The following TENM4 variants were observed in gnomAD, a reference collection of about 807,000 sequenced individuals.
TENM4 encodes the protein teneurin transmembrane protein 4.
In TENM4, 82 loss-of-function variants were observed where a neutral mutation model predicts 243.3. That is an observed-to-expected ratio of 0.34 (90% CI 0.28 to 0.40). The LOEUF is 0.40. Ranked by LOEUF, TENM4 falls within the 10% of genes least tolerant of loss-of-function variation. The probability of loss-of-function intolerance (pLI) is 1.00; values close to 1 mark genes in which losing one functional copy is unlikely to be tolerated. For synonymous variants in TENM4, 1,412 were observed against 1,456.3 expected, an observed-to-expected ratio of 0.97 and a Z score of 0.69; for missense variants, 3,138 against 3,673.3, an observed-to-expected ratio of 0.85 and a Z score of 3.77.
At chr11:78,873,911 G>A (rs1270217892) in intron 9 of TENM4, among the ~76,000 whole-genome samples, 2 of 151,716 alleles carry the variant, frequency 1.3e-5, no homozygotes, top group African/African-American at 2.4e-5. Flanking sequence ...CTGCTTGAAC[G>A]GTCACCACCT....
intron 6 of TENM4, among the ~76,000 whole-genome samples, chr11:79,020,162 G>T (rs1264798306): frequency 6.6e-6 from 1 of 152,196 alleles, no homozygotes; most frequent in African/African-American, 2.4e-5. Context: ...TGGCACAGAT[G>T]ATGTTAGTGT....
intron 1 of TENM4, among the ~76,000 whole-genome samples, chr11:79,311,646 C>A (rs761488432): frequency 2.6e-5 from 4 of 152,164 alleles, no homozygotes; most frequent in Non-Finnish European, 5.9e-5. Flanking sequence ...TAAAGCCCAG[C>A]CCTTGAGCTT....
chr11:79,143,215 A>G lies in TENM4; in HGVS notation c.-66+5495T>C, dbSNP rs544852245. Among the ~76,000 whole-genome samples, 7 of 152,286 alleles carry G rather than the reference A, an allele frequency of 4.6e-5. No homozygotes were observed. The East Asian group carries it at 1.4e-3, about 29-fold the overall frequency. ...GATTATAAATCATGCTACTATAAAG[A>G]CACATGCACACGTATGTTTATTGTG... On this transcript the variant is annotated intron_variant, in intron 4 of 33. Transcript: ENST00000278550.
At chr11:79,311,984 CA>C (rs1856729659) in intron 1 of TENM4, among the ~76,000 whole-genome samples, 1 of 152,152 alleles carries the variant, frequency 6.6e-6, no homozygotes, top group African/African-American at 2.4e-5. Context: ...TCAAGGCCTC[CA>C]CATACTCACA....
In TENM4 at chr11:79,155,704, C is replaced by T. The variant is rs1273233585; in HGVS notation, c.-162-6898G>A. ...CCTCCCTCTCCCCCTCCCCTCCTTT[C>T]CTCCTTTCCTCCCTCCCTCCCTCCG... On this transcript the variant is annotated intron_variant, in intron 3 of 33. Coordinates refer to ENST00000278550, the MANE Select transcript of TENM4 (RefSeq NM_001098816.3). 7.3e-5 allele frequency among the ~76,000 whole-genome samples: 9 copies of T among 123,246 alleles called. No individual in the cohort carries two copies. The Admixed American group carries it at 8.7e-4, about 12-fold the overall frequency. The allele number at this position is 123,246 out of a possible 152,430, so 80.9% of individuals were successfully genotyped here.
intron 9 of TENM4, among the ~76,000 whole-genome samples, chr11:78,863,430 G>T (rs1425862879): frequency 6.6e-6 from 1 of 152,104 alleles, no homozygotes; most frequent in Non-Finnish European, 1.5e-5. Flanking sequence ...ACAATCTGGG[G>T]GAAAAACTGC....
chr11:79,099,722 A>G (rs1334449129), intron 4 of TENM4, among the ~76,000 whole-genome samples: 1 of 152,158 alleles, frequency 6.6e-6, no homozygotes, highest in African/African-American at 2.4e-5. Flanking sequence ...ACCTTTTTGT[A>G]ATCCTCACCA....
chr11:78,655,852 A>G lies in TENM4; in HGVS notation c.*2206T>C, dbSNP rs1363647866. On this transcript the variant is annotated 3_prime_UTR_variant, in exon 34 of 34. Coordinates refer to ENST00000278550, the MANE Select transcript of TENM4 (RefSeq NM_001098816.3). The stretch of plus-strand genomic sequence containing the variant: ...TGTTCTTCAGGCCAAACTGTTTTCC[A>G]TCTCATCCAAGAATGATCCTGCCAG... 1 of 152,204 alleles carries G rather than the reference A, an allele frequency of 6.6e-6. No individual in the cohort carries two copies. The highest frequency in any genetic ancestry group is 2.4e-5 in the African/African-American group (1 of 41,430). 9.4% of individuals were successfully genotyped at this position (152,204 alleles called of 1,614,324 possible). A position where few individuals can be genotyped will look rare whatever the true frequency, so the allele number is the denominator to read the frequency against.
At position 79,004,710 on chromosome 11, in the gene TENM4, C is replaced by T. The variant is rs374721569; in HGVS notation, c.493+60028G>A. On this transcript the variant is annotated intron_variant, in intron 6 of 33. Coordinates refer to ENST00000278550, the MANE Select transcript of TENM4 (RefSeq NM_001098816.3). ...CACTAACTAGAGAAACAAGAGCAAA[C>T]CAACTCCAAAGCTAGTAGAAGACAA... 9.8e-4 allele frequency among the ~76,000 whole-genome samples: 149 copies of T among 152,026 alleles called. 1 individual carries two copies. Among genetic ancestry groups the T allele is most frequent in the African/African-American group, 3.1e-3 (129 of 41,478 alleles).
intron 1 of TENM4, among the ~76,000 whole-genome samples, chr11:79,348,963 C>T (rs1857372374): frequency 6.6e-6 from 1 of 152,180 alleles, no homozygotes; most frequent in South Asian, 2.1e-4. Flanking sequence ...AAGTGCCTAA[C>T]TGGAAATGCC....
At chr11:78,984,349 C>G (rs1202235611) in intron 6 of TENM4, among the ~76,000 whole-genome samples, 1 of 152,172 alleles carries the variant, frequency 6.6e-6, no homozygotes, top group Non-Finnish European at 1.5e-5. Context: ...GGGCTAGATA[C>G]CCTCGAGAGT....
At chr11:79,379,649 T>C (rs1209713485) in intron 1 of TENM4, among the ~76,000 whole-genome samples, 1 of 152,180 alleles carries the variant, frequency 6.6e-6, no homozygotes, top group Non-Finnish European at 1.5e-5. Flanking sequence ...GCTCATGTTA[T>C]CTCCAGGTGA....
chr11:78,956,093 A>G (rs1207731546), intron 6 of TENM4, among the ~76,000 whole-genome samples: 1 of 152,130 alleles, frequency 6.6e-6, no homozygotes. Flanking sequence ...ATTGCTGTGC[A>G]TGTGTGTGGA....
Position 78,722,836 on chromosome 11 carries a change from C to A in TENM4, c.3632G>T (p.Arg1211Leu). 2.5e-6 allele frequency: 4 copies of A among 1,614,028 alleles called. No individual in the cohort carries two copies. Among genetic ancestry groups the A allele is most frequent in the Non-Finnish European group, 3.4e-6 (4 of 1,179,892 alleles). Residue 1211 changes from arginine to leucine, a missense_variant, in exon 24 of 34, where the codon CGC (arginine) becomes CTC (leucine). Arg to Leu is a moderately radical substitution (Grantham distance 102). Coordinates refer to ENST00000278550, the MANE Select transcript of TENM4 (RefSeq NM_001098816.3). The stretch of plus-strand genomic sequence containing the variant: ...GCTGGGGCAGGAGATGCTTCTCCGG[C>A]GCCCATTGCCCATGATGCTCCCAAT... ...PVIGSIMGNG[R>L]RRSISCPSCN...
Position 78,903,353 on chromosome 11 carries a change from C to G in TENM4, c.664G>C (p.Gly222Arg). The change falls in exon 7 of 34, where the codon GGA (glycine) becomes CGA (arginine). Residue 222 changes from glycine to arginine, a missense_variant. Gly to Arg is a moderately radical substitution (Grantham distance 125, BLOSUM62 -2). This residue lies in a region of TENM4 where 671 missense variants were observed against 614.1 expected (regional missense o/e 1.09). Coordinates refer to ENST00000278550, the MANE Select transcript of TENM4 (RefSeq NM_001098816.3). ...SPAPTDHSLS[G>R]EPPAGGAQEP... is the part of the protein sequence containing the mutation. ...TGGGCGCCGCCGGCAGGGGGCTCTC[C>G]GGAGAGCGAGTGGTCCGTGGGGGCC... 6.7e-7 allele frequency: 1 copy of G among 1,489,114 alleles called. No individual in the cohort carries two copies. The highest frequency in any genetic ancestry group is 8.9e-7 in the Non-Finnish European group (1 of 1,120,268). The allele number at this position is 1,489,114 out of a possible 1,614,324, so 92.2% of individuals were successfully genotyped here. A position where few individuals can be genotyped will look rare whatever the true frequency, so the allele number is the denominator to read the frequency against.
In TENM4 at chr11:78,859,967, G is replaced by A. The variant is rs116501459; in HGVS notation, c.1255+2995C>T. Reference sequence around the variant, plus strand: ...TTAGTTCGAAAAGCTGCTGTATTTGGTTTCTGTCCCATCACAACCCTGGAA... The same window carrying A: ...TTAGTTCGAAAAGCTGCTGTATTTGATTTCTGTCCCATCACAACCCTGGAA... On this transcript the variant is annotated intron_variant, in intron 10 of 33. Transcript: ENST00000278550. 7.8e-3 allele frequency among the ~76,000 whole-genome samples: 1,181 copies of A among 152,218 alleles called. 11 individuals are homozygous for A. Among genetic ancestry groups the A allele is most frequent in the African/African-American group, 0.027 (1,134 of 41,510 alleles).
At position 79,067,143 on chromosome 11, in the gene TENM4, C is replaced by T. The variant is rs549117982; in HGVS notation, c.224-2136G>A. On this transcript the variant is annotated intron_variant, in intron 5 of 33. Transcript: ENST00000278550. ...GTCCGCGGACCAGGCATAAAAGAAG[C>T]CCGTGGGCTCTGCTCAGTGGCCAGG... Among the ~76,000 whole-genome samples the T allele has an allele frequency of 2.2e-4, 33 of 152,318 alleles. No individual in the cohort carries two copies. The South Asian group carries it at 6.4e-3, about 30-fold the overall frequency.
chr11:78,980,808 G>A (rs1180935546), intron 6 of TENM4, among the ~76,000 whole-genome samples: 1 of 152,186 alleles, frequency 6.6e-6, no homozygotes. Context: ...CTACTGAAGT[G>A]TTTGCTGTCA....
At chr11:78,955,871 G>T (rs989708510) in intron 6 of TENM4, among the ~76,000 whole-genome samples, 2 of 152,178 alleles carry the variant, frequency 1.3e-5, no homozygotes, top group African/African-American at 4.8e-5. Flanking sequence ...TGTCACCACT[G>T]CCCTCAATGC....
Sources: gnomAD v4.1 joint callset for allele counts (sites outside exome capture counted in the v4.1 genomes callset) on GRCh38, gnomAD v4.1.1 for gene constraint, gnomAD v4.1.1 regional missense constraint, MANE v1.5 for transcripts, NCBI Gene and HGNC (gene_info 2026-07-23, HGNC 2026-07-21) for gene names.